RIMS2: variants seen among roughly 807,000 people sequenced by gnomAD.
The protein encoded by RIMS2 is regulating synaptic membrane exocytosis 2, also known as regulating synaptic membrane exocytosis protein 2.
A neutral mutation model predicts 174.4 loss-of-function variants in RIMS2; 59 were observed. The observed-to-expected ratio is 0.34, with a 90% CI of 0.27 to 0.42. The LOEUF is 0.42. Among genes scored for constraint, RIMS2 ranks in the 10% least tolerant of loss-of-function variants. The pLI is 1.00. For synonymous variants in RIMS2, 606 were observed against 572.5 expected (o/e 1.06, Z -0.84); for missense variants, 1,620 against 1,666.3 (o/e 0.97, Z 0.48).
At chr8:104,026,461 T>TG (rs2096260408) in intron 19 of RIMS2, among the ~76,000 whole-genome samples, 1 of 152,158 alleles carries the variant, frequency 6.6e-6, no homozygotes, top group African/African-American at 2.4e-5. Flanking sequence ...TGGCTGTTAG[T>TG]GATTAATTCT....
At chr8:103,910,276 GT>G in intron 5 of RIMS2, 44 bp from the exon 8 acceptor site, 1 of 1,455,654 alleles carries the variant, frequency 6.9e-7, no homozygotes, top group Non-Finnish European at 9.4e-7. Context: ...ACCTTTGCAT[GT>G]TTCTTTTTTG....
intron 15 of RIMS2, among the ~76,000 whole-genome samples, chr8:103,971,633 G>A (rs1024888787): frequency 2.0e-5 from 3 of 151,286 alleles, no homozygotes; most frequent in Admixed American, 6.6e-5. Context: ...GTGTAGTGGT[G>A]TGATCTCAGC....
At chr8:103,500,920 G>C (rs1275930876) in exon 1 of RIMS2, 2 of 1,606,492 alleles carry the variant, frequency 1.2e-6, no homozygotes, top group Non-Finnish European at 1.7e-6. Flanking sequence ...GGGCCGCCTG[G>C]CTCCCATCCC....
chr8:103,767,007 G>A (rs879027739), intron 3 of RIMS2, among the ~76,000 whole-genome samples: 15 of 152,134 alleles, frequency 9.9e-5, no homozygotes, highest in Non-Finnish European at 1.5e-5. Context: ...CCGACATCAG[G>A]TTTATAGTGA....
intron 19 of RIMS2, among the ~76,000 whole-genome samples, chr8:104,139,319 T>C (rs927352046): frequency 1.3e-5 from 2 of 152,190 alleles, no homozygotes; most frequent in Admixed American, 6.5e-5. Context: ...TGTATTGTGA[T>C]ACAGATTACA....
chr8:103,886,090 G>A, exon 4 of RIMS2: 1 of 1,612,994 alleles, frequency 6.2e-7, no homozygotes, highest in Non-Finnish European at 8.5e-7. Context: ...CACCACCAAA[G>A]CCTCATAAAT....
intron 3 of RIMS2, among the ~76,000 whole-genome samples, chr8:103,884,789 A>C (rs1412935554): frequency 6.6e-6 from 1 of 151,908 alleles, no homozygotes; most frequent in African/African-American, 2.4e-5. Flanking sequence ...ACTAGGAATG[A>C]TCTAGAAGAT....
chr8:103,701,577 G>A (rs10101275), intron 2 of RIMS2, among the ~76,000 whole-genome samples: 26,759 of 151,646 alleles, frequency 0.18, 2,563 homozygotes, highest in African/African-American at 0.24. Context: ...CTTTATTCCC[G>A]CTTCCTCCTA....
In RIMS2 at chr8:103,831,106, G is replaced by T. The variant is rs149251905; in HGVS notation, c.699-54192G>T. Among the ~76,000 whole-genome samples the T allele has an allele frequency of 6.3e-3, 963 of 152,268 alleles. 7 individuals are homozygous for T. The highest frequency in any genetic ancestry group is 0.024 in the Middle Eastern group (7 of 294). Reference sequence around the variant, plus strand: ...TTACAGGCATCAGCCATCGTGCCTGGATTATGTTTTCTTGATTAATTGACA... The same window carrying T: ...TTACAGGCATCAGCCATCGTGCCTGTATTATGTTTTCTTGATTAATTGACA... On this transcript the variant is annotated intron_variant, in intron 3 of 23. Coordinates refer to ENST00000504942, the Ensembl canonical transcript of RIMS2.
At chr8:103,721,174 T>C (rs2097442693) in intron 2 of RIMS2, among the ~76,000 whole-genome samples, 1 of 152,206 alleles carries the variant, frequency 6.6e-6, no homozygotes, top group Admixed American at 6.6e-5. Context: ...CCCTTCGCTT[T>C]CTGCCATGAT....
intron 19 of RIMS2, among the ~76,000 whole-genome samples, chr8:104,154,040 A>T (rs1021085081): frequency 4.6e-5 from 7 of 152,216 alleles, no homozygotes; most frequent in Non-Finnish European, 1.0e-4. Flanking sequence ...AAAAATATGA[A>T]CACCTAACAC....
At chr8:103,816,517 T>C (rs1402442) in intron 3 of RIMS2, among the ~76,000 whole-genome samples, 23,920 of 152,152 alleles carry the variant, frequency 0.16, 1,988 homozygotes, top group Middle Eastern at 0.24. Flanking sequence ...TATGGTCACA[T>C]ATATCAAATG....
chr8:103,824,964 T>C (rs143847103), intron 3 of RIMS2, among the ~76,000 whole-genome samples: 1 of 152,218 alleles, frequency 6.6e-6, no homozygotes, highest in Admixed American at 6.5e-5. Context: ...TTATGTTGGG[T>C]AGTATTGAAC....
chr8:103,967,472 G>A (rs2092202678), intron 15 of RIMS2, among the ~76,000 whole-genome samples: 1 of 151,800 alleles, frequency 6.6e-6, no homozygotes, highest in Non-Finnish European at 1.5e-5. Flanking sequence ...GGGATTATGG[G>A]CATGAACCAC....
chr8:103,880,066 T>C (rs896413892), intron 3 of RIMS2, among the ~76,000 whole-genome samples: 1 of 151,614 alleles, frequency 6.6e-6, no homozygotes, highest in Non-Finnish European at 1.5e-5. Flanking sequence ...TGGGGAAACA[T>C]TGCCTTTTTA....
chr8:104,099,828 T>TC lies in RIMS2; in HGVS notation c.3334+85213_3334+85214insC, dbSNP rs531189228. On this transcript the variant is annotated intron_variant, in intron 19 of 23. Coordinates refer to ENST00000504942, the Ensembl canonical transcript of RIMS2. ...ATTTATTTTTTCTTTACTTTCTTTT[T>TC]TTTTTTGAGACAGCATCTCACTGTG... Among the ~76,000 whole-genome samples, 17 of 152,052 alleles carry TC rather than the reference T, an allele frequency of 1.1e-4. No homozygotes were observed. The South Asian group carries it at 2.9e-3, about 26-fold the overall frequency.
intron 3 of RIMS2, among the ~76,000 whole-genome samples, chr8:103,802,912 A>G (rs1228765227): frequency 6.6e-6 from 1 of 152,184 alleles, no homozygotes; most frequent in Non-Finnish European, 1.5e-5. Context: ...CCTATTGCAT[A>G]TTTTTAATTT....
intron 1 of RIMS2, among the ~76,000 whole-genome samples, chr8:103,559,868 T>C (rs2091298902): frequency 6.6e-6 from 1 of 152,202 alleles, no homozygotes; most frequent in Non-Finnish European, 1.5e-5. Context: ...CAGTGTATTA[T>C]TTGTTTCAAT....
intron 17 of RIMS2, among the ~76,000 whole-genome samples, chr8:104,008,068 A>G (rs2095645578): frequency 2.0e-5 from 3 of 152,168 alleles, no homozygotes; most frequent in Non-Finnish European, 4.4e-5. Flanking sequence ...CATCAGATAT[A>G]CTGATATAAT....
Sources: gnomAD v4.1 joint callset for allele counts (sites outside exome capture counted in the v4.1 genomes callset) on GRCh38, gnomAD v4.1.1 for gene constraint, MANE v1.5 for transcripts, NCBI Gene and HGNC (gene_info 2026-07-23, HGNC 2026-07-21) for gene names.